Variants in IL1RAPL2 observed in about 807,000 individuals in gnomAD.
IL1RAPL2 encodes interleukin 1 receptor accessory protein like 2, also known as X-linked interleukin-1 receptor accessory protein-like 2.
In IL1RAPL2, 3 loss-of-function variants were observed where a neutral mutation model predicts 44.1. That is an observed-to-expected ratio of 0.07 (90% confidence interval 0.03 to 0.18). IL1RAPL2 has a LOEUF of 0.18. Ranked by LOEUF, IL1RAPL2 falls within the 10% of genes least tolerant of loss-of-function variation. The pLI, the probability that IL1RAPL2 is intolerant of heterozygous loss-of-function variation, is 1.00. For synonymous variants in IL1RAPL2, 181 were observed against 178.8 expected (o/e 1.01, Z -0.10); for missense variants, 391 against 496.4 (o/e 0.79, Z 2.02).
At chrX:105,545,868 C>A (rs955816372) in intron 6 of IL1RAPL2, among the ~76,000 whole-genome samples, 8 of 111,656 alleles carry the variant, frequency 7.2e-5, no homozygotes, top group Non-Finnish European at 1.3e-4. Flanking sequence ...AGTATGTTAC[C>A]ATGTGTGCAG....
intron 2 of IL1RAPL2, among the ~76,000 whole-genome samples, chrX:105,173,496 G>C (rs1388467970): frequency 2.7e-5 from 3 of 111,720 alleles, no homozygotes; most frequent in Non-Finnish European, 5.6e-5. Context: ...CCTCATAGCA[G>C]TGTTCTTAAC....
At chrX:105,710,359 C>CTTTTTTTTT (rs61023852) in intron 6 of IL1RAPL2, among the ~76,000 whole-genome samples, 1 of 65,832 alleles carries the variant, frequency 1.5e-5, no homozygotes, top group Admixed American at 2.3e-4. Flanking sequence ...GAAAATCCTA[C>CTTTTTTTTT]TTTTTTTTTT....
chrX:104,762,659 T>G (rs770327595), intron 2 of IL1RAPL2, among the ~76,000 whole-genome samples: 1 of 113,096 alleles, frequency 8.8e-6, no homozygotes, highest in South Asian at 3.6e-4. Flanking sequence ...TGAAGAAAAC[T>G]TCTGTCTGGC....
At chrX:104,719,480 A>G (rs1285374284) in intron 2 of IL1RAPL2, among the ~76,000 whole-genome samples, 2 of 111,587 alleles carry the variant, frequency 1.8e-5, no homozygotes. Flanking sequence ...TTTTTTAGCC[A>G]TTGAACAAAA....
chrX:104,731,064 G>A (rs1187578260), intron 2 of IL1RAPL2, among the ~76,000 whole-genome samples: 5 of 111,375 alleles, frequency 4.5e-5, no homozygotes, highest in Non-Finnish European at 7.5e-5. Context: ...AATTTTTGAT[G>A]GGGTTGTTTT....
chrX:104,919,265 G>T (rs541040921), intron 2 of IL1RAPL2, among the ~76,000 whole-genome samples: 3 of 103,235 alleles, frequency 2.9e-5, no homozygotes. Context: ...CGCTGTTGTC[G>T]CCCAGGCTGG....
chrX:104,589,298 T>C (rs916062127), intron 1 of IL1RAPL2, among the ~76,000 whole-genome samples: 9 of 112,172 alleles, frequency 8.0e-5, no homozygotes, highest in African/African-American at 2.9e-4. Context: ...AGCTGAAGAA[T>C]GTGGAGTCTG....
intron 2 of IL1RAPL2, among the ~76,000 whole-genome samples, chrX:104,936,729 T>G (rs917915157): frequency 3.7e-5 from 4 of 107,385 alleles, no homozygotes; most frequent in Non-Finnish European, 5.8e-5. Context: ...TTCACGCTAT[T>G]CTCCTACCTC....
intron 2 of IL1RAPL2, among the ~76,000 whole-genome samples, chrX:104,763,921 A>T (rs1602716611): frequency 9.0e-6 from 1 of 111,580 alleles, no homozygotes; most frequent in Non-Finnish European, 1.9e-5. Context: ...TGGTCTATGT[A>T]TGTATGTTTA....
At position 105,187,548 on chromosome X, in the gene IL1RAPL2, C is replaced by T. The variant is rs189624340; in HGVS notation, c.83-7927C>T. Among the ~76,000 whole-genome samples, 256 of 111,713 alleles carry T rather than the reference C, an allele frequency of 2.3e-3. 5 individuals carry two copies. Among genetic ancestry groups the T allele is most frequent in the Admixed American group, 0.022 (234 of 10,473 alleles). ...ACACACACAATGGAATACTATTCAG[C>T]CTTTAAAAAGTAGAAAATCTTGTTA... On this transcript the variant is annotated intron_variant, in intron 2 of 10. Transcript: ENST00000372582.
chrX:104,905,203 G>C (rs1923950719), intron 2 of IL1RAPL2, among the ~76,000 whole-genome samples: 1 of 111,662 alleles, frequency 9.0e-6, no homozygotes, highest in Non-Finnish European at 1.9e-5. Context: ...CTGGATATTA[G>C]TCCTTTGTCA....
chrX:105,188,876 T>A (rs973140462), intron 2 of IL1RAPL2, among the ~76,000 whole-genome samples: 10 of 111,693 alleles, frequency 9.0e-5, no homozygotes, highest in Non-Finnish European at 1.1e-4. Flanking sequence ...AACTTTATTT[T>A]AAAAAAAATG....
intron 2 of IL1RAPL2, among the ~76,000 whole-genome samples, chrX:105,000,496 T>C (rs1166022440): frequency 1.8e-5 from 2 of 111,243 alleles, no homozygotes; most frequent in Non-Finnish European, 3.8e-5. Flanking sequence ...CTAAAAGTAC[T>C]GATTGTGCTG....
chrX:105,585,427 G>A (rs1335829302), intron 6 of IL1RAPL2, among the ~76,000 whole-genome samples: 4 of 109,319 alleles, frequency 3.7e-5, no homozygotes, highest in South Asian at 4.0e-4. Flanking sequence ...ATAGGTAAAC[G>A]TGTGCCATGG....
intron 2 of IL1RAPL2, among the ~76,000 whole-genome samples, chrX:105,036,608 C>T (rs960459050): frequency 8.0e-5 from 9 of 112,031 alleles, no homozygotes; most frequent in African/African-American, 2.9e-4. Context: ...TTTGTTTCCA[C>T]ATAAGGTTTT....
At chrX:105,464,279 G>A (rs2036113097) in intron 5 of IL1RAPL2, among the ~76,000 whole-genome samples, 1 of 111,862 alleles carries the variant, frequency 8.9e-6, no homozygotes, top group Non-Finnish European at 1.9e-5. Context: ...AACACTATAA[G>A]ATAAATGCTA....
chrX:105,432,815 C>A (rs1344473806), intron 5 of IL1RAPL2, among the ~76,000 whole-genome samples: 1 of 110,869 alleles, frequency 9.0e-6, no homozygotes, highest in Non-Finnish European at 1.9e-5. Flanking sequence ...CCAGGGAACC[C>A]ATTGCTAATT....
At chrX:105,473,264 A>C (rs747066686) in intron 5 of IL1RAPL2, among the ~76,000 whole-genome samples, 1 of 111,558 alleles carries the variant, frequency 9.0e-6, no homozygotes, top group South Asian at 3.7e-4. Flanking sequence ...ATTTTTGATG[A>C]CCATGCATTT....
At chrX:104,891,984 A>C (rs1442454556) in intron 2 of IL1RAPL2, among the ~76,000 whole-genome samples, 1 of 111,524 alleles carries the variant, frequency 9.0e-6, no homozygotes, top group Non-Finnish European at 1.9e-5. Flanking sequence ...TACCTAATTT[A>C]TTGATAGTCT....
Sources: allele counts gnomAD v4.1 joint callset (sites outside exome capture counted in the v4.1 genomes callset), GRCh38; gene constraint gnomAD v4.1.1; transcripts MANE v1.5; gene names NCBI Gene and HGNC (gene_info 2026-07-23, HGNC 2026-07-21).